The following NRXN3 variants were observed in gnomAD, a reference collection of about 807,000 sequenced individuals.
NRXN3 encodes the protein neurexin III.
A neutral mutation model predicts 137.6 loss-of-function variants in NRXN3; 32 were observed. The ratio of observed to expected loss-of-function variants is 0.23; its 90% CI spans 0.18 to 0.31. NRXN3 has a LOEUF of 0.31. Among genes scored for constraint, NRXN3 ranks in the 10% least tolerant of loss-of-function variants. The pLI is 1.00. For synonymous variants in NRXN3, 798 were observed against 784.5 expected (o/e 1.02, Z -0.29); for missense variants, 1,574 against 2,062.5 (o/e 0.76, Z 4.59).
intron 10 of NRXN3, among the ~76,000 whole-genome samples, chr14:78,869,059 T>A (rs2099094889): frequency 6.6e-6 from 1 of 151,722 alleles, no homozygotes; most frequent in South Asian, 2.1e-4. Context: ...ACACATAATA[T>A]AAAGGGTATG....
intron 10 of NRXN3, among the ~76,000 whole-genome samples, chr14:78,815,331 C>A (rs558330909): frequency 2.1e-4 from 32 of 152,158 alleles, no homozygotes; most frequent in African/African-American, 7.7e-4. Flanking sequence ...TAAGCTGATA[C>A]CTTTGATTCA....
At chr14:79,443,367 C>T (rs2153573863) in intron 15 of NRXN3, among the ~76,000 whole-genome samples, 1 of 152,146 alleles carries the variant, frequency 6.6e-6, no homozygotes, top group African/African-American at 2.4e-5. Flanking sequence ...TTTGGCACCT[C>T]TATTAGATCT....
intron 17 of NRXN3, among the ~76,000 whole-genome samples, chr14:79,682,720 C>T (rs1289993351): frequency 6.6e-6 from 1 of 152,104 alleles, no homozygotes; most frequent in Admixed American, 6.6e-5. Context: ...ATATATATTT[C>T]TTAGATGGTC....
chr14:78,663,697 G>C (rs1031711371), intron 6 of NRXN3, among the ~76,000 whole-genome samples: 1 of 151,956 alleles, frequency 6.6e-6, no homozygotes, highest in Admixed American at 6.5e-5. Context: ...CACTTACTTA[G>C]CTTTGCATTT....
chr14:79,362,061 A>G (rs1228744313), intron 15 of NRXN3, among the ~76,000 whole-genome samples: 2 of 148,672 alleles, frequency 1.3e-5, no homozygotes, highest in East Asian at 3.9e-4. Context: ...CAGGTTTCCA[A>G]CAATTCTTCT....
Position 78,402,721 on chromosome 14 carries a change from G to A in NRXN3, c.757+104861G>A, listed in dbSNP as rs568246947. On this transcript the variant is annotated intron_variant, in intron 4 of 20. Transcript: ENST00000335750. Reference sequence around the variant, plus strand: ...CTCTTAACCATGTGACTTTGGACAGGTTACCTAGTATCTCTAACATCACCT... The same window carrying A: ...CTCTTAACCATGTGACTTTGGACAGATTACCTAGTATCTCTAACATCACCT... 9.9e-5 allele frequency among the ~76,000 whole-genome samples: 15 copies of A among 152,282 alleles called. 1 individual carries two copies. The South Asian group carries it at 3.1e-3, about 32-fold the overall frequency.
intron 19 of NRXN3, among the ~76,000 whole-genome samples, chr14:79,779,784 G>A (rs2099108227): frequency 6.6e-6 from 1 of 152,164 alleles, no homozygotes; most frequent in Admixed American, 6.5e-5. Flanking sequence ...GTAGACCAGA[G>A]TATCCATTTC....
At chr14:79,298,100 T>C (rs547724782) in intron 15 of NRXN3, among the ~76,000 whole-genome samples, 4 of 152,164 alleles carry the variant, frequency 2.6e-5, no homozygotes, top group Admixed American at 1.3e-4. Context: ...CATTTCTCAG[T>C]CCTGAATCCT....
At chr14:79,780,613 T>G (rs1012586108) in intron 19 of NRXN3, among the ~76,000 whole-genome samples, 1 of 151,940 alleles carries the variant, frequency 6.6e-6, no homozygotes, top group East Asian at 1.9e-4. Context: ...TGTCCCTAAA[T>G]AAATAAATAA....
intron 4 of NRXN3, among the ~76,000 whole-genome samples, chr14:78,539,380 A>G (rs955383453): frequency 6.6e-6 from 1 of 152,218 alleles, no homozygotes; most frequent in Admixed American, 6.5e-5. Flanking sequence ...CATTTCTTCT[A>G]GATTTTCTAG....
chr14:79,389,374 T>G (rs4603484), intron 15 of NRXN3, among the ~76,000 whole-genome samples: 49,473 of 152,070 alleles, frequency 0.33, 8,563 homozygotes, highest in Middle Eastern at 0.54. Flanking sequence ...ATCCATTCCT[T>G]GATAACCAAC....
chr14:78,807,734 C>CAAAAAAAAAAA (rs144921592), intron 9 of NRXN3, among the ~76,000 whole-genome samples: 5 of 111,726 alleles, frequency 4.5e-5, no homozygotes, highest in African/African-American at 1.6e-4. Context: ...GATTCTGTCT[C>CAAAAAAAAAAA]AAAAAAAAAA....
At chr14:78,538,741 G>A (rs983316583) in intron 4 of NRXN3, among the ~76,000 whole-genome samples, 1 of 152,124 alleles carries the variant, frequency 6.6e-6, no homozygotes, top group African/African-American at 2.4e-5. Context: ...TATGATATTG[G>A]CTGTGGGTTT....
At position 78,709,397 on chromosome 14, in the gene NRXN3, A is replaced by T; in HGVS notation, c.1402A>T (p.Met468Leu). Residue 468 changes from methionine to leucine, a missense_variant, in exon 7 of 21, where the codon ATG (methionine) becomes TTG (leucine). This residue lies in a region of NRXN3 where 718 missense variants were observed against 887.6 expected (regional missense o/e 0.81). Coordinates refer to ENST00000335750, the MANE Select transcript of NRXN3 (RefSeq NM_001330195.2). ...ISLPKWNTKR[M>L]GSISFDFRTT... is the part of the protein sequence containing the mutation. ...CTTGCCCAAGTGGAACACTAAACGTATGGGCTCCATCTCCTTTGACTTCCG... is the reference window on the plus strand; with the variant it reads ...CTTGCCCAAGTGGAACACTAAACGTTTGGGCTCCATCTCCTTTGACTTCCG... 5 of 1,614,132 alleles carry T rather than the reference A, an allele frequency of 3.1e-6. No individual in the cohort carries two copies. The highest frequency in any genetic ancestry group is 4.2e-6 in the Non-Finnish European group (5 of 1,180,018).
chr14:78,713,080 T>G (rs1385017230), intron 7 of NRXN3, among the ~76,000 whole-genome samples: 2 of 152,210 alleles, frequency 1.3e-5, no homozygotes, highest in African/African-American at 4.8e-5. Flanking sequence ...AGATATCACC[T>G]AGTCCATTTC....
rs146855479 is a variant in NRXN3 at position 79,275,731 on chromosome 14, TG to T, written c.3263-191480del. On this transcript the variant is annotated intron_variant, in intron 15 of 20. Coordinates refer to ENST00000335750, the MANE Select transcript of NRXN3 (RefSeq NM_001330195.2). Reference sequence around the variant, plus strand: ...GGGACATTCTCTTGCAGGGTGAGGATGGGGGGGGGGACATTTAAAAAGCAAG... The same window carrying T: ...GGGACATTCTCTTGCAGGGTGAGGATGGGGGGGGGACATTTAAAAAGCAAG... 4.8e-3 allele frequency among the ~76,000 whole-genome samples: 689 copies of T among 142,856 alleles called. 7 individuals are homozygous for T. Among genetic ancestry groups the T allele is most frequent in the African/African-American group, 0.014 (536 of 39,116 alleles). The allele number at this position is 142,856 out of a possible 152,430, so 93.7% of individuals were successfully genotyped here.
intron 4 of NRXN3, among the ~76,000 whole-genome samples, chr14:78,609,291 G>GAA (rs112262413): frequency 2.0e-4 from 30 of 146,758 alleles, no homozygotes; most frequent in African/African-American, 7.2e-4. Flanking sequence ...TAACCTCCAT[G>GAA]AAAAAAAAAA....
chr14:78,264,790 C>T (rs2153479058), intron 2 of NRXN3, among the ~76,000 whole-genome samples: 1 of 152,310 alleles, frequency 6.6e-6, no homozygotes, highest in South Asian at 2.1e-4. Context: ...AATTCCAAAG[C>T]AAAGTACAGC....
intron 1 of NRXN3, among the ~76,000 whole-genome samples, chr14:78,206,292 A>AGG (rs1355947885): frequency 1.3e-5 from 2 of 152,084 alleles, no homozygotes; most frequent in Non-Finnish European, 2.9e-5. Flanking sequence ...GAAGTGGACT[A>AGG]GGGGAGCTTT....
Sources: gnomAD v4.1 joint callset for allele counts (sites outside exome capture counted in the v4.1 genomes callset) on GRCh38, gnomAD v4.1.1 for gene constraint, gnomAD v4.1.1 regional missense constraint, MANE v1.5 for transcripts, NCBI Gene and HGNC (gene_info 2026-07-23, HGNC 2026-07-21) for gene names.